The following CAMK1D variants were observed in gnomAD, a reference collection of about 807,000 sequenced individuals.
The protein encoded by CAMK1D is calcium/calmodulin dependent protein kinase ID.
In CAMK1D, 9 loss-of-function variants were observed where a neutral mutation model predicts 47.7. That is an observed-to-expected ratio of 0.19 (90% CI 0.11 to 0.33). The LOEUF (loss-of-function observed/expected upper bound fraction) is 0.33. Ranked by LOEUF, CAMK1D falls within the 10% of genes least tolerant of loss-of-function variation. The pLI, the probability that CAMK1D is intolerant of heterozygous loss-of-function variation, is 1.00. For missense variants in CAMK1D, 291 were observed against 488.7 expected (o/e 0.60, Z 3.81); for synonymous variants, 184 against 184.9 (o/e 0.99, Z 0.04).
chr10:12,613,768 G>A (rs759158602), intron 2 of CAMK1D, among the ~76,000 whole-genome samples: 1 of 152,202 alleles, frequency 6.6e-6, no homozygotes, highest in African/African-American at 2.4e-5. Context: ...ATGAGCCGCC[G>A]CACCCGGCCT....
intron 3 of CAMK1D, chr10:12,760,704 AC>A: frequency 2.2e-6 from 1 of 463,510 alleles, no homozygotes; most frequent in Non-Finnish European, 4.0e-6. Flanking sequence ...CCTGGACAGA[AC>A]CCAGGTGTGG....
At chr10:12,789,049 C>A (rs544220288) in intron 5 of CAMK1D, among the ~76,000 whole-genome samples, 39 of 152,346 alleles carry the variant, frequency 2.6e-4, no homozygotes, top group African/African-American at 8.2e-4. Flanking sequence ...CCTGTTCTTG[C>A]TCAGGAATAT....
At chr10:12,618,141 G>C (rs1019122537) in intron 2 of CAMK1D, among the ~76,000 whole-genome samples, 2 of 152,122 alleles carry the variant, frequency 1.3e-5, no homozygotes, top group African/African-American at 2.4e-5. Context: ...AGGGCTCTGT[G>C]TCTCTCTCTC....
chr10:12,740,400 A>C (rs986502875), intron 3 of CAMK1D, among the ~76,000 whole-genome samples: 2 of 152,138 alleles, frequency 1.3e-5, no homozygotes, highest in African/African-American at 4.8e-5. Context: ...GGAGTTTGAG[A>C]CCAGCCTGGG....
intron 3 of CAMK1D, among the ~76,000 whole-genome samples, chr10:12,682,313 T>C (rs1230670576): frequency 6.6e-6 from 1 of 152,210 alleles, no homozygotes; most frequent in East Asian, 1.9e-4. Flanking sequence ...CTATTTTTAA[T>C]TGGATAATTG....
At chr10:12,435,654 T>C (rs564261207) in intron 1 of CAMK1D, among the ~76,000 whole-genome samples, 4 of 152,278 alleles carry the variant, frequency 2.6e-5, no homozygotes, top group African/African-American at 4.8e-5. Context: ...TCCACTCTCC[T>C]ACCCTTTAAT....
intron 1 of CAMK1D, among the ~76,000 whole-genome samples, chr10:12,432,278 C>T (rs113858783): frequency 6.6e-6 from 1 of 152,186 alleles, no homozygotes; most frequent in South Asian, 2.1e-4. Flanking sequence ...CTGTGATTCT[C>T]AAGTTTTCTC....
intron 1 of CAMK1D, among the ~76,000 whole-genome samples, chr10:12,533,255 C>T (rs75688292): frequency 0.011 from 1,746 of 152,258 alleles, 16 homozygotes; most frequent in Middle Eastern, 0.037. Context: ...CCCTTTCTGA[C>T]GGCACCACTT....
At chr10:12,523,447 T>C (rs1209474499) in intron 1 of CAMK1D, among the ~76,000 whole-genome samples, 1 of 152,206 alleles carries the variant, frequency 6.6e-6, no homozygotes, top group Non-Finnish European at 1.5e-5. Flanking sequence ...CACTCCAGCC[T>C]GGGCACCATT....
intron 2 of CAMK1D, among the ~76,000 whole-genome samples, chr10:12,614,327 G>A (rs1456503728): frequency 1.3e-5 from 2 of 152,190 alleles, no homozygotes; most frequent in African/African-American, 4.8e-5. Context: ...TTGTTGTTGT[G>A]TGCACATGTA....
chr10:12,728,950 G>A (rs1395783491), intron 3 of CAMK1D, among the ~76,000 whole-genome samples: 3 of 152,204 alleles, frequency 2.0e-5, no homozygotes, highest in Non-Finnish European at 2.9e-5. Flanking sequence ...TGAAATGAAC[G>A]ATAACTACTA....
intron 1 of CAMK1D, among the ~76,000 whole-genome samples, chr10:12,497,645 C>T (rs1365701892): frequency 6.6e-6 from 1 of 152,196 alleles, no homozygotes; most frequent in Admixed American, 6.5e-5. Flanking sequence ...AATTTTATGT[C>T]TGTATCCCAA....
intron 1 of CAMK1D, among the ~76,000 whole-genome samples, chr10:12,395,340 C>T (rs1432204642): frequency 1.3e-5 from 2 of 151,936 alleles, no homozygotes; most frequent in East Asian, 3.9e-4. Flanking sequence ...GGGAATGGGG[C>T]TGAAATTCCC....
At chr10:12,464,962 C>T (rs766342397) in intron 1 of CAMK1D, among the ~76,000 whole-genome samples, 8 of 152,282 alleles carry the variant, frequency 5.3e-5, no homozygotes, top group Admixed American at 3.9e-4. Context: ...ATTCCTGAGA[C>T]GTTCTGGATA....
At chr10:12,401,892 A>G (rs941248661) in intron 1 of CAMK1D, among the ~76,000 whole-genome samples, 7 of 83,406 alleles carry the variant, frequency 8.4e-5, no homozygotes, top group African/African-American at 2.7e-4. Context: ...ATATATTCTC[A>G]GACTATATAT....
chr10:12,588,894 GTGTGTGTGTGTA>G (rs1837912917), intron 2 of CAMK1D, among the ~76,000 whole-genome samples: 1 of 148,300 alleles, frequency 6.7e-6, no homozygotes, highest in African/African-American at 2.6e-5. Context: ...GCGTGCGTGT[GTGTGTGTGTGTA>G]TATATAACAT....
intron 6 of CAMK1D, among the ~76,000 whole-genome samples, chr10:12,793,400 G>A (rs749611507): frequency 9.2e-5 from 14 of 152,166 alleles, no homozygotes; most frequent in Non-Finnish European, 2.1e-4. Flanking sequence ...GTACAGCTCT[G>A]GTTAGGTACT....
At chr10:12,437,634 G>A (rs1014240875) in intron 1 of CAMK1D, among the ~76,000 whole-genome samples, 1 of 152,142 alleles carries the variant, frequency 6.6e-6, no homozygotes, top group African/African-American at 2.4e-5. Flanking sequence ...GGGGCATTTT[G>A]TTACAGCTGA....
At chr10:12,439,475 C>T (rs566573094) in intron 1 of CAMK1D, among the ~76,000 whole-genome samples, 16 of 152,230 alleles carry the variant, frequency 1.1e-4, no homozygotes, top group African/African-American at 2.2e-4. Context: ...TGTTTGCCTG[C>T]GTTTTAGGGC....
Sources: gnomAD v4.1 joint callset for allele counts (sites outside exome capture counted in the v4.1 genomes callset) on GRCh38, gnomAD v4.1.1 for gene constraint, MANE v1.5 for transcripts, NCBI Gene and HGNC (gene_info 2026-07-23, HGNC 2026-07-21) for gene names.